The following SNX31 variants were observed in gnomAD, a reference collection of about 807,000 sequenced individuals.
SNX31 encodes the protein sorting nexin-31.
A neutral mutation model predicts 65.4 loss-of-function variants in SNX31; 58 were observed. That is an observed-to-expected ratio of 0.89 (90% confidence interval 0.72 to 1.10). SNX31 has a LOEUF of 1.10. SNX31 is among the 50% of genes least tolerant of loss of function. The pLI is 0.00. For missense variants in SNX31, 523 were observed against 529.7 expected (o/e 0.99, Z 0.12); for synonymous variants, 181 against 190.1 (o/e 0.95, Z 0.39).
intron 8 of SNX31, among the ~76,000 whole-genome samples, chr8:100,601,738 C>T (rs1217511343): frequency 6.6e-6 from 1 of 152,216 alleles, no homozygotes; most frequent in Admixed American, 6.5e-5. Context: ...TTCTTGGTTG[C>T]TTCCTAATCC....
chr8:100,618,585 C>T (rs1016657655), intron 4 of SNX31: 7 of 543,516 alleles, frequency 1.3e-5, no homozygotes, highest in Non-Finnish European at 1.9e-5. Context: ...ATATGGGGCC[C>T]AAGTTACCCA....
intron 11 of SNX31, among the ~76,000 whole-genome samples, chr8:100,586,332 G>A (rs558193304): frequency 6.6e-6 from 1 of 152,336 alleles, no homozygotes; most frequent in African/African-American, 2.4e-5. Context: ...TAGCCCTTGA[G>A]TGTGTACAAC....
intron 3 of SNX31, 90 bp downstream of exon 3, chr8:100,635,807 A>C: frequency 6.2e-6 from 5 of 806,278 alleles, no homozygotes; most frequent in Non-Finnish European, 1.0e-5. Context: ...ATATATTGTA[A>C]AAGAATTGTA....
chr8:100,578,984 A>C lies in SNX31; in HGVS notation c.1171-1909T>G, dbSNP rs768268282. Among the ~76,000 whole-genome samples, 1 of 152,144 alleles carries C rather than the reference A, an allele frequency of 6.6e-6. No homozygotes were observed. Among genetic ancestry groups the C allele is most frequent in the Non-Finnish European group, 1.5e-5 (1 of 68,036 alleles). ...TGATCCACCTGCCTCGGCCTCCCAAAGTGCTGGGATTACAGGCACGAGACA... is the reference window on the plus strand; with the variant it reads ...TGATCCACCTGCCTCGGCCTCCCAACGTGCTGGGATTACAGGCACGAGACA... On this transcript the variant is annotated intron_variant, in intron 12 of 13. Coordinates refer to ENST00000311812, the MANE Select transcript of SNX31 (RefSeq NM_152628.4). This position sits in a 1 kb window ranked among gnomAD's most constrained non-coding sequence, Gnocchi z 4.7.
At chr8:100,590,134 T>A (rs948032598) in intron 10 of SNX31, among the ~76,000 whole-genome samples, 1 of 152,256 alleles carries the variant, frequency 6.6e-6, no homozygotes, top group Non-Finnish European at 1.5e-5. Flanking sequence ...AATGTGTTGG[T>A]TTCTATTGCT....
rs1467759312 is a variant in SNX31 at position 100,636,662 on chromosome 8, C to G, written c.142-651G>C. On this transcript the variant is annotated intron_variant, in intron 2 of 13. Transcript: ENST00000311812. ...AATTAATTCCATCTGTTTCCTTTTA[C>G]TCTTTTTAATGTGCCTATCAGAAAA... 2.0e-5 allele frequency among the ~76,000 whole-genome samples: 3 copies of G among 152,050 alleles called. No homozygotes were observed. The East Asian group carries it at 5.8e-4, about 29-fold the overall frequency.
intron 2 of SNX31, among the ~76,000 whole-genome samples, chr8:100,645,019 A>T (rs1156664819): frequency 1.3e-5 from 2 of 152,250 alleles, no homozygotes; most frequent in African/African-American, 4.8e-5. Flanking sequence ...GAGATGGAGT[A>T]GAGGCCACCT....
chr8:100,650,911 G>T (rs1323423985), upstream of SNX31, among the ~76,000 whole-genome samples: 1 of 148,058 alleles, frequency 6.8e-6, no homozygotes, highest in African/African-American at 2.5e-5. Flanking sequence ...GGAGTGCAAT[G>T]GTGCGATCTC....
chr8:100,610,472 C>A lies in SNX31; in HGVS notation c.611+1528G>T, dbSNP rs1159358444. On this transcript the variant is annotated intron_variant, in intron 7 of 13. Transcript: ENST00000311812. The surrounding 1 kb of genome is among the most constrained non-coding windows in gnomAD (Gnocchi z 4.0). ...TATTTTACATAACTCTTGCAATAAC[C>A]CTTATAATAATCCAATAAACTATTT... Among the ~76,000 whole-genome samples the A allele has an allele frequency of 6.6e-6, 1 of 152,030 alleles. No homozygotes were observed. The highest frequency in any genetic ancestry group is 2.4e-5 in the African/African-American group (1 of 41,392).
chr8:100,635,819 A>C (rs555000029), intron 3 of SNX31, 78 bp downstream of exon 3: 3 of 897,996 alleles, frequency 3.3e-6, no homozygotes, highest in African/African-American at 3.3e-5. Context: ...AGAATTGTAC[A>C]CTTTAGCAGG....
chr8:100,632,610 A>C (rs1453981441), intron 3 of SNX31, among the ~76,000 whole-genome samples: 3 of 152,138 alleles, frequency 2.0e-5, no homozygotes, highest in Non-Finnish European at 4.4e-5. Context: ...TTAGTATAAT[A>C]GTTGGCGATG....
chr8:100,604,660 A>C lies in SNX31; in HGVS notation c.681+3834T>G, dbSNP rs1033141566. Among the ~76,000 whole-genome samples the C allele has an allele frequency of 1.3e-5, 2 of 152,252 alleles. No homozygotes were observed. The highest frequency in any genetic ancestry group is 3.2e-3 in the Middle Eastern group (1 of 316). On this transcript the variant is annotated intron_variant, in intron 8 of 13. Transcript: ENST00000311812. This position sits in a 1 kb window ranked among gnomAD's most constrained non-coding sequence, Gnocchi z 4.3. ...GGCCCAGAATTGACTGAGCCTTCAAAATGTATACTTACTTATAGTTTTAAA... is the reference window on the plus strand; with the variant it reads ...GGCCCAGAATTGACTGAGCCTTCAACATGTATACTTACTTATAGTTTTAAA...
At chr8:100,606,143 TC>T (rs1484284927) in intron 8 of SNX31, among the ~76,000 whole-genome samples, 1 of 152,092 alleles carries the variant, frequency 6.6e-6, no homozygotes, top group African/African-American at 2.4e-5. Context: ...CAAGCCATCC[TC>T]CTACCTCAGC....
At chr8:100,601,127 A>G (rs2130937358) in intron 8 of SNX31, among the ~76,000 whole-genome samples, 1 of 152,336 alleles carries the variant, frequency 6.6e-6, no homozygotes, top group African/African-American at 2.4e-5. Context: ...AAACATTTTC[A>G]ACTTGATAGT....
chr8:100,589,853 T>C (rs1053273333), intron 10 of SNX31, among the ~76,000 whole-genome samples: 12 of 152,230 alleles, frequency 7.9e-5, no homozygotes, highest in African/African-American at 2.9e-4. Flanking sequence ...CCTCTTCCAC[T>C]GTTGGCTATT....
At chr8:100,591,690 G>T (rs1814604032) in intron 10 of SNX31, among the ~76,000 whole-genome samples, 1 of 151,724 alleles carries the variant, frequency 6.6e-6, no homozygotes, top group Non-Finnish European at 1.5e-5. Context: ...AATCAGCTGG[G>T]CATAGGCACA....
intron 4 of SNX31, chr8:100,618,148 T>C: frequency 2.0e-6 from 2 of 985,338 alleles, no homozygotes; most frequent in Non-Finnish European, 2.4e-6. Context: ...TAGCATATGG[T>C]ACCCAAAGTT....
At chr8:100,574,568 G>A (rs563450862) in intron 13 of SNX31, among the ~76,000 whole-genome samples, 2 of 151,762 alleles carry the variant, frequency 1.3e-5, no homozygotes, top group Admixed American at 1.3e-4. Flanking sequence ...TGGAGGCAGA[G>A]GTTTCAGTGA....
Position 100,575,026 on chromosome 8 carries a change from T to C in SNX31, c.1228-1066A>G, listed in dbSNP as rs972009018. ...AAGAGTAATTTGCCTTCAGTACTTA[T>C]GAAATCTCAAAGACACGGTTATGGA... On this transcript the variant is annotated intron_variant, in intron 13 of 13. Transcript: ENST00000311812. The surrounding 1 kb of genome is among the most constrained non-coding windows in gnomAD (Gnocchi z 5.1). Among the ~76,000 whole-genome samples the C allele has an allele frequency of 3.9e-5, 6 of 152,124 alleles. No homozygotes were observed. The highest frequency in any genetic ancestry group is 2.9e-5 in the Non-Finnish European group (2 of 68,020).
Sources: allele counts gnomAD v4.1 joint callset (sites outside exome capture counted in the v4.1 genomes callset), GRCh38; gene constraint gnomAD v4.1.1; non-coding constraint Gnocchi (gnomAD v3.1); transcripts MANE v1.5; gene names NCBI Gene and HGNC (gene_info 2026-07-23, HGNC 2026-07-21).